SEMA6A: variants seen among roughly 807,000 people sequenced by gnomAD.
SEMA6A encodes the protein semaphorin 6A.
A neutral mutation model predicts 96.8 loss-of-function variants in SEMA6A; 25 were observed. The observed-to-expected ratio is 0.26, with a 90% CI of 0.19 to 0.36. The LOEUF is 0.36. SEMA6A is among the 10% of genes least tolerant of loss of function. The pLI is 1.00. For missense variants in SEMA6A, 1,363 were observed against 1,323.1 expected, an observed-to-expected ratio of 1.03 and a Z score of -0.47; for synonymous variants, 612 against 518.0, an observed-to-expected ratio of 1.18 and a Z score of -2.46.
At chr5:116,572,963 A>C (rs1761286114) in intron 1 of SEMA6A, among the ~76,000 whole-genome samples, 1 of 152,066 alleles carries the variant, frequency 6.6e-6, no homozygotes, top group Non-Finnish European at 1.5e-5. Flanking sequence ...AGCGGGAAAA[A>C]CAGCGGAATT....
In SEMA6A at chr5:116,479,609, C is replaced by G. The variant is rs74944198; in HGVS notation, c.1250+513G>C. On this transcript the variant is annotated intron_variant, in intron 12 of 18. Transcript: ENST00000343348. ...AAATACAAGGAAGAGTTTTTTAATA[C>G]TACCACAGATCTCTAATTGGCTGTC... Among the ~76,000 whole-genome samples the G allele has an allele frequency of 1.4e-3, 210 of 152,284 alleles. 1 individual carries two copies. Among genetic ancestry groups the G allele is most frequent in the African/African-American group, 4.6e-3 (192 of 41,562 alleles).
chr5:116,517,466 T>TA (rs1023330404), intron 1 of SEMA6A, among the ~76,000 whole-genome samples: 16 of 148,290 alleles, frequency 1.1e-4, no homozygotes, highest in Admixed American at 2.7e-4. Context: ...TCACAGAATT[T>TA]AAAAAAAAAA....
chr5:116,499,384 G>T (rs1026909347), intron 3 of SEMA6A, among the ~76,000 whole-genome samples: 1 of 143,942 alleles, frequency 6.9e-6, no homozygotes, highest in East Asian at 2.1e-4. Context: ...CCACTGAATT[G>T]TGTTGCCATG....
At chr5:116,542,622 T>C (rs1760019777) in intron 1 of SEMA6A, among the ~76,000 whole-genome samples, 1 of 152,202 alleles carries the variant, frequency 6.6e-6, no homozygotes, top group African/African-American at 2.4e-5. Context: ...TATCACACTC[T>C]GCTAGGATTC....
chr5:116,459,066 C>A (rs984286881), intron 18 of SEMA6A, among the ~76,000 whole-genome samples: 1 of 152,136 alleles, frequency 6.6e-6, no homozygotes, highest in African/African-American at 2.4e-5. Context: ...TAAAAATAAA[C>A]AGTGGCATCC....
intron 18 of SEMA6A, among the ~76,000 whole-genome samples, chr5:116,458,454 A>G (rs561222678): frequency 6.6e-6 from 1 of 152,324 alleles, no homozygotes; most frequent in South Asian, 2.1e-4. Flanking sequence ...CATGTCAAGT[A>G]GATGCAGCTT....
intron 6 of SEMA6A, among the ~76,000 whole-genome samples, chr5:116,492,766 A>T (rs1218261528): frequency 6.6e-6 from 1 of 152,184 alleles, no homozygotes; most frequent in Non-Finnish European, 1.5e-5. Flanking sequence ...CTCTTGCTTC[A>T]TGTCACTCTA....
intron 12 of SEMA6A, among the ~76,000 whole-genome samples, chr5:116,479,864 T>C (rs1490948328): frequency 6.6e-6 from 1 of 152,180 alleles, no homozygotes; most frequent in East Asian, 1.9e-4. Flanking sequence ...AATGGGCTAA[T>C]CCAGAAGGAA....
intron 1 of SEMA6A, among the ~76,000 whole-genome samples, chr5:116,545,922 A>G (rs55880210): frequency 0.013 from 2,023 of 152,328 alleles, 42 homozygotes; most frequent in African/African-American, 0.046. Flanking sequence ...ATAACTCTGC[A>G]GGGTTAATGG....
Position 116,495,516 on chromosome 5 carries a change from T to A in SEMA6A, c.343-2A>T. The A allele has an allele frequency of 6.4e-7, 1 of 1,573,568 alleles. No individual in the cohort carries two copies. The highest frequency in any genetic ancestry group is 8.7e-7 in the Non-Finnish European group (1 of 1,153,552). On this transcript the variant is annotated splice_acceptor_variant, in intron 5 of 18. Transcript: ENST00000343348. LOFTEE classifies it high-confidence loss of function. ...TTTAATAAAGTTGTGGCACTCATCC[T>A]GAAAAATAATTCAAACTGTTTTGTA...
intron 18 of SEMA6A, among the ~76,000 whole-genome samples, chr5:116,456,785 G>A (rs1755035762): frequency 6.6e-6 from 1 of 152,196 alleles, no homozygotes; most frequent in Admixed American, 6.5e-5. Flanking sequence ...CCCACCATTG[G>A]ACAGAGTGGC....
At chr5:116,533,322 A>G (rs1017716427) in intron 1 of SEMA6A, among the ~76,000 whole-genome samples, 1 of 150,884 alleles carries the variant, frequency 6.6e-6, no homozygotes. Flanking sequence ...TAACAGTTGA[A>G]GAGACTCGAC....
intron 1 of SEMA6A, among the ~76,000 whole-genome samples, chr5:116,513,856 C>T (rs1203263666): frequency 6.6e-6 from 1 of 152,130 alleles, no homozygotes; most frequent in African/African-American, 2.4e-5. Context: ...ATTTAGCTCC[C>T]ACTTGTAAGT....
At chr5:116,570,710 C>G (rs1450483222) in intron 1 of SEMA6A, among the ~76,000 whole-genome samples, 1 of 152,206 alleles carries the variant, frequency 6.6e-6, no homozygotes, top group Non-Finnish European at 1.5e-5. Flanking sequence ...TTGTCCTGTT[C>G]TGAAAAGCGC....
chr5:116,510,339 C>G (rs1335507511), intron 1 of SEMA6A, among the ~76,000 whole-genome samples: 1 of 152,114 alleles, frequency 6.6e-6, no homozygotes, highest in African/African-American at 2.4e-5. Flanking sequence ...GTGACTGCCT[C>G]CAAAAGTGAA....
rs955971884 is a variant in SEMA6A, at chr5:116,560,482, G to A, written c.-39+13703C>T. The stretch of plus-strand genomic sequence containing the variant: ...CTGCTTTCACTAGATCTAGTAGCCT[G>A]AACCAGAGTACAATGACTTTTGTCA... On this transcript the variant is annotated intron_variant, in intron 1 of 18. Transcript: ENST00000343348. Among the ~76,000 whole-genome samples the A allele has an allele frequency of 2.0e-5, 3 of 151,374 alleles. 1 individual carries two copies. The Admixed American group carries it at 2.0e-4, about 10-fold the overall frequency.
chr5:116,560,864 C>A (rs1760795013), intron 1 of SEMA6A, among the ~76,000 whole-genome samples: 1 of 152,124 alleles, frequency 6.6e-6, no homozygotes. Context: ...GAATTTAGGT[C>A]CCAGTTGCAC....
chr5:116,566,348 A>G (rs1761028872), intron 1 of SEMA6A, among the ~76,000 whole-genome samples: 1 of 152,238 alleles, frequency 6.6e-6, no homozygotes, highest in Non-Finnish European at 1.5e-5. Context: ...GGAAATTCCT[A>G]GAAAGCACCT....
At chr5:116,467,155 CCTG>C (rs1755807140) in intron 18 of SEMA6A, among the ~76,000 whole-genome samples, 2 of 152,230 alleles carry the variant, frequency 1.3e-5, no homozygotes, top group African/African-American at 2.4e-5. Flanking sequence ...AAGACTTTGT[CCTG>C]CTATTTCTCA....
Sources: gnomAD v4.1 joint callset for allele counts (sites outside exome capture counted in the v4.1 genomes callset) on GRCh38, gnomAD v4.1.1 for gene constraint, MANE v1.5 for transcripts, NCBI Gene and HGNC (gene_info 2026-07-23, HGNC 2026-07-21) for gene names.